HECW2: variants seen among roughly 807,000 people sequenced by gnomAD.
HECW2 encodes the protein E3 ubiquitin-protein ligase HECW2.
In HECW2, 61 loss-of-function variants were observed where a neutral mutation model predicts 175.2. The observed-to-expected ratio is 0.35, with a 90% CI of 0.28 to 0.43. The LOEUF (loss-of-function observed/expected upper bound fraction) is 0.43, where lower values mean the gene tolerates loss of function less well. Ranked by LOEUF, HECW2 falls within the 20% of genes least tolerant of loss-of-function variation. The pLI, the probability that HECW2 is intolerant of heterozygous loss-of-function variation, is 1.00. For missense variants in HECW2, 1,524 were observed against 2,000.5 expected (o/e 0.76, Z 4.54); for synonymous variants, 671 against 731.0 (o/e 0.92, Z 1.32).
At chr2:196,384,573 C>A (rs1184971355) in intron 2 of HECW2, among the ~76,000 whole-genome samples, 1 of 152,006 alleles carries the variant, frequency 6.6e-6, no homozygotes, top group Non-Finnish European at 1.5e-5. Flanking sequence ...CAGAGCAAGA[C>A]CCTGTCTCCA....
At chr2:196,352,467 C>T (rs1575449074) in intron 2 of HECW2, among the ~76,000 whole-genome samples, 2 of 152,150 alleles carry the variant, frequency 1.3e-5, no homozygotes, top group East Asian at 3.8e-4. Context: ...TCATCACTGC[C>T]CTGGAAAGGA....
At chr2:196,584,740 T>C (rs1184131752) in intron 1 of HECW2, among the ~76,000 whole-genome samples, 7 of 152,184 alleles carry the variant, frequency 4.6e-5, no homozygotes, top group Non-Finnish European at 7.3e-5. Flanking sequence ...CAAATTATCC[T>C]CATCCTTCTT....
At chr2:196,454,525 A>G (rs1696445649) in intron 1 of HECW2, among the ~76,000 whole-genome samples, 1 of 152,176 alleles carries the variant, frequency 6.6e-6, no homozygotes, top group African/African-American at 2.4e-5. Flanking sequence ...CACTTGCCTG[A>G]TTATTTCCTT....
chr2:196,344,852 A>G (rs944224472), intron 2 of HECW2, among the ~76,000 whole-genome samples: 2 of 152,204 alleles, frequency 1.3e-5, no homozygotes, highest in Admixed American at 1.3e-4. Context: ...AAGATGGAGA[A>G]AAGGTCCCAA....
In HECW2 at chr2:196,586,941, T is replaced by C. The variant is rs192413800; in HGVS notation, c.-36+6567A>G. Among the ~76,000 whole-genome samples, 91 of 152,240 alleles carry C rather than the reference T, an allele frequency of 6.0e-4. No homozygotes were observed. The East Asian group carries it at 9.3e-3, about 16-fold the overall frequency. ...TAGTAATCGCTCTTCCACACTCCAC[T>C]CCACTGATATTATGCCACAGCCAAC... On this transcript the variant is annotated intron_variant, in intron 1 of 28. Transcript: ENST00000644978.
At chr2:196,202,152 A>T (rs1686880922) in intron 28 of HECW2, among the ~76,000 whole-genome samples, 1 of 152,208 alleles carries the variant, frequency 6.6e-6, no homozygotes, top group African/African-American at 2.4e-5. Flanking sequence ...TGCACTTTTG[A>T]CATGAAATAG....
intron 2 of HECW2, among the ~76,000 whole-genome samples, chr2:196,382,154 A>G (rs1694223640): frequency 1.3e-5 from 2 of 152,006 alleles, no homozygotes; most frequent in East Asian, 1.9e-4. Context: ...AAATTTCTAC[A>G]TAGTTGTATT....
rs375019706 is a variant in HECW2, at chr2:196,574,070, T to C, written c.-36+19438A>G. Reference sequence around the variant, plus strand: ...CATTATAAAATCACTGGTGTTTCTATACACAACCAACAAACTAGCCAAAAA... The same window carrying C: ...CATTATAAAATCACTGGTGTTTCTACACACAACCAACAAACTAGCCAAAAA... On this transcript the variant is annotated intron_variant, in intron 1 of 28. Transcript: ENST00000644978. Among the ~76,000 whole-genome samples, 5 of 152,186 alleles carry C rather than the reference T, an allele frequency of 3.3e-5. No individual in the cohort carries two copies. The East Asian group carries it at 7.7e-4, about 24-fold the overall frequency.
intron 20 of HECW2, 89 bp downstream of exon 20, chr2:196,241,995 C>G: frequency 3.9e-6 from 5 of 1,271,338 alleles, no homozygotes; most frequent in Non-Finnish European, 4.5e-6. Context: ...GGCTAGTCAT[C>G]CCAAATCACA....
At chr2:196,591,105 A>C (rs1472057968) in intron 1 of HECW2, among the ~76,000 whole-genome samples, 1 of 152,250 alleles carries the variant, frequency 6.6e-6, no homozygotes, top group Non-Finnish European at 1.5e-5. Context: ...TTTATCTCAA[A>C]TGTTCAGAAT....
chr2:196,524,636 A>C (rs1407657852), intron 1 of HECW2, among the ~76,000 whole-genome samples: 7 of 107,020 alleles, frequency 6.5e-5, no homozygotes, highest in Admixed American at 8.7e-5. Flanking sequence ...TTCCCTCTAC[A>C]CACTGCTTTG....
chr2:196,446,105 C>A (rs1338096778), intron 1 of HECW2, among the ~76,000 whole-genome samples: 1 of 152,148 alleles, frequency 6.6e-6, no homozygotes, highest in Non-Finnish European at 1.5e-5. Context: ...GCTGTTGGTC[C>A]TCTCTGACCT....
intron 1 of HECW2, among the ~76,000 whole-genome samples, chr2:196,488,697 A>G (rs1377346674): frequency 6.6e-6 from 1 of 152,052 alleles, no homozygotes; most frequent in Non-Finnish European, 1.5e-5. Context: ...TCTAAGGGGG[A>G]AAGGAATAAA....
intron 1 of HECW2, among the ~76,000 whole-genome samples, chr2:196,509,514 C>T (rs763583961): frequency 6.6e-6 from 1 of 152,214 alleles, no homozygotes; most frequent in Non-Finnish European, 1.5e-5. Flanking sequence ...TGACCAGTGG[C>T]TATCCTGAAG....
intron 19 of HECW2, among the ~76,000 whole-genome samples, chr2:196,250,629 T>C (rs988511000): frequency 3.9e-5 from 6 of 152,172 alleles, no homozygotes; most frequent in African/African-American, 1.4e-4. Flanking sequence ...TTACCTGTAG[T>C]GTCATACACT....
chr2:196,568,266 C>G (rs1018753761), intron 1 of HECW2, among the ~76,000 whole-genome samples: 2 of 152,100 alleles, frequency 1.3e-5, no homozygotes, highest in African/African-American at 4.8e-5. Flanking sequence ...CTTCTGTATT[C>G]CCATTATATG....
chr2:196,319,610 C>T lies in HECW2; in HGVS notation c.1280G>A (p.Gly427Asp). The T allele has an allele frequency of 1.2e-6, 2 of 1,614,214 alleles. No homozygotes were observed. Among genetic ancestry groups the T allele is most frequent in the Middle Eastern group, 1.6e-4 (1 of 6,062 alleles). ...GGTCGCTGTCCCCGGCCTGGAGTGG[C>T]CATTGTGTTCGATAGCATCTAAGTA... ...NDYLDAIEHN[G>D]HSRPGTATCS... The change falls in exon 9 of 29, where the codon GGC (glycine) becomes GAC (aspartate). Residue 427 changes from glycine to aspartate, a missense_variant. By Grantham distance (94) the Gly-to-Asp change is moderately conservative. Around this residue, in one of 11 missense-constraint regions of HECW2, gnomAD observed 604 missense variants for 588.3 expected, o/e 1.03. Coordinates refer to ENST00000644978, the MANE Select transcript of HECW2 (RefSeq NM_001348768.2).
intron 14 of HECW2, among the ~76,000 whole-genome samples, chr2:196,282,158 C>T (rs1157441640): frequency 6.6e-6 from 1 of 152,112 alleles, no homozygotes; most frequent in Non-Finnish European, 1.5e-5. Context: ...TTAACAGGCT[C>T]CTTGTAAGTA....
chr2:196,574,692 C>T (rs1234822628), intron 1 of HECW2, among the ~76,000 whole-genome samples: 1 of 152,062 alleles, frequency 6.6e-6, no homozygotes, highest in Non-Finnish European at 1.5e-5. Context: ...AAAAATTACA[C>T]AGAACCACAG....
Sources: gnomAD v4.1 joint callset for allele counts (sites outside exome capture counted in the v4.1 genomes callset) on GRCh38, gnomAD v4.1.1 for gene constraint, gnomAD v4.1.1 regional missense constraint, MANE v1.5 for transcripts, NCBI Gene and HGNC (gene_info 2026-07-23, HGNC 2026-07-21) for gene names.